RNLS: variants seen among roughly 807,000 people sequenced by gnomAD.
RNLS encodes renalase, FAD dependent amine oxidase, also known as renalase.
In RNLS, 39 loss-of-function variants were observed where a neutral mutation model predicts 39.8. The observed-to-expected ratio is 0.98, with a 90% CI of 0.76 to 1.28. The LOEUF is 1.28. Among genes scored for constraint, RNLS ranks in the 50% most tolerant of loss-of-function variants. RNLS has a pLI of 0.00. For missense variants in RNLS, 410 were observed against 413.3 expected (o/e 0.99, Z 0.07); for synonymous variants, 147 against 150.7 (o/e 0.98, Z 0.18).
intron 4 of RNLS, among the ~76,000 whole-genome samples, chr10:88,406,671 A>G (rs772984133): frequency 4.6e-5 from 7 of 152,076 alleles, no homozygotes; most frequent in Non-Finnish European, 1.0e-4. Flanking sequence ...CTAAAAGTAG[A>G]ACTATCATTT....
chr10:88,214,780 TGAATG>T, the RNLS span, among the ~76,000 whole-genome samples: 8 of 152,334 alleles, frequency 5.3e-5, no homozygotes, highest in African/African-American at 1.4e-4. Flanking sequence ...GCTGAACAAA[TGAATG>T]GAATGTATTA....
chr10:88,171,759 A>G, the RNLS span, among the ~76,000 whole-genome samples: 2 of 152,092 alleles, frequency 1.3e-5, no homozygotes, highest in African/African-American at 4.8e-5. Context: ...TAATCACCCT[A>G]CAGTGCTATA....
At chr10:88,217,669 T>C in the RNLS span, among the ~76,000 whole-genome samples, 4 of 147,410 alleles carry the variant, frequency 2.7e-5, no homozygotes, top group African/African-American at 1.0e-4. Flanking sequence ...TGAAAATTCT[T>C]ATGGCTTTTC....
At chr10:88,389,408 C>T (rs939537267) in intron 4 of RNLS, among the ~76,000 whole-genome samples, 1 of 151,992 alleles carries the variant, frequency 6.6e-6, no homozygotes. Context: ...TTTGATTTGT[C>T]AAAGTTGTGC....
At chr10:88,215,716 C>G in the RNLS span, among the ~76,000 whole-genome samples, 1 of 76,160 alleles carries the variant, frequency 1.3e-5, no homozygotes, top group Non-Finnish European at 3.2e-5. Flanking sequence ...TTTTTTTTTC[C>G]GAGATGGAGT....
intron 4 of RNLS, among the ~76,000 whole-genome samples, chr10:88,530,420 T>TTAGTTAATTGACATTTAGTGACAG (rs1847350688): frequency 6.6e-6 from 1 of 152,204 alleles, no homozygotes; most frequent in Non-Finnish European, 1.5e-5. Flanking sequence ...TTTTGTGACT[T>TTAGTTAATTGACATTTAGTGACAG]TTAGTTAATT....
At chr10:88,566,211 T>C (rs180873652) in intron 4 of RNLS, among the ~76,000 whole-genome samples, 1 of 151,932 alleles carries the variant, frequency 6.6e-6, no homozygotes, top group African/African-American at 2.4e-5. Context: ...CATACTTTAA[T>C]CTTCTTTCCA....
chr10:88,479,793 C>CT (rs11293313), intron 4 of RNLS, among the ~76,000 whole-genome samples: 74 of 139,326 alleles, frequency 5.3e-4, no homozygotes, highest in South Asian at 9.1e-4. Flanking sequence ...TTCTTTTTTT[C>CT]TTTTTTTTTT....
At chr10:88,436,780 AG>A (rs1351625445) in intron 4 of RNLS, among the ~76,000 whole-genome samples, 2 of 152,190 alleles carry the variant, frequency 1.3e-5, no homozygotes, top group Non-Finnish European at 2.9e-5. Flanking sequence ...AATGCAGGAA[AG>A]CTTGGGACCC....
intron 5 of RNLS, among the ~76,000 whole-genome samples, chr10:88,360,993 G>T (rs1849602859): frequency 6.6e-6 from 1 of 152,176 alleles, no homozygotes; most frequent in Admixed American, 6.5e-5. Flanking sequence ...TTAAACAACA[G>T]AAATTTCTCA....
chr10:88,392,113 C>G (rs1852243754), intron 4 of RNLS, among the ~76,000 whole-genome samples: 1 of 152,212 alleles, frequency 6.6e-6, no homozygotes, highest in South Asian at 2.1e-4. Context: ...TTTTTCTTAA[C>G]AGAAATGATT....
intron 4 of RNLS, among the ~76,000 whole-genome samples, chr10:88,397,294 T>C (rs544491197): frequency 2.6e-5 from 4 of 151,870 alleles, no homozygotes; most frequent in Non-Finnish European, 5.9e-5. Context: ...TGAAATGATA[T>C]TAGAAACCAA....
the RNLS span, among the ~76,000 whole-genome samples, chr10:88,171,875 ATTCTACTCTCTAC>A: frequency 6.6e-6 from 1 of 152,086 alleles, no homozygotes; most frequent in South Asian, 2.1e-4. Flanking sequence ...AATAATTACA[ATTCTACTCTCTAC>A]TTCTGTGTGC....
chr10:88,509,015 G>A (rs937350623), intron 4 of RNLS, among the ~76,000 whole-genome samples: 3 of 151,842 alleles, frequency 2.0e-5, no homozygotes, highest in Non-Finnish European at 4.4e-5. Flanking sequence ...TGGTGGGGGT[G>A]GGGGGGCTGG....
chr10:88,241,265 C>T, the RNLS span, among the ~76,000 whole-genome samples: 4 of 149,126 alleles, frequency 2.7e-5, no homozygotes, highest in African/African-American at 7.3e-5. Flanking sequence ...AAAAAAAGTC[C>T]GCAAAGTTTT....
At chr10:88,262,219 C>T in the RNLS span, among the ~76,000 whole-genome samples, 1 of 151,870 alleles carries the variant, frequency 6.6e-6, no homozygotes, top group Non-Finnish European at 1.5e-5. Flanking sequence ...TTACCAGTGT[C>T]GCACCTAACA....
intron 5 of RNLS, among the ~76,000 whole-genome samples, chr10:88,356,062 T>C (rs1849156610): frequency 6.6e-6 from 1 of 152,180 alleles, no homozygotes; most frequent in Non-Finnish European, 1.5e-5. Context: ...GCTAAGACCA[T>C]TGGAAAAGAG....
chr10:88,444,585 C>T (rs558599363), intron 4 of RNLS, among the ~76,000 whole-genome samples: 9 of 152,172 alleles, frequency 5.9e-5, no homozygotes, highest in East Asian at 5.8e-4. Flanking sequence ...AAAAATTAGA[C>T]GAATGGCTAA....
the RNLS span, among the ~76,000 whole-genome samples, chr10:88,265,202 T>G: frequency 6.6e-6 from 1 of 152,208 alleles, no homozygotes; most frequent in Non-Finnish European, 1.5e-5. Flanking sequence ...TGTGCCAATT[T>G]TTATACCAGT....
Sources: allele counts gnomAD v4.1 joint callset (sites outside exome capture counted in the v4.1 genomes callset), GRCh38; gene constraint gnomAD v4.1.1; transcripts MANE v1.5; gene names NCBI Gene and HGNC (gene_info 2026-07-23, HGNC 2026-07-21).